OR51B5: variants seen among roughly 807,000 people sequenced by gnomAD.
OR51B5 encodes olfactory receptor 51B5.
For synonymous variants in OR51B5, 186 were observed against 144.8 expected (o/e 1.28, Z -2.04); for missense variants, 456 against 374.6 (o/e 1.22, Z -1.79).
intron 1 of OR51B5, chr11:5,489,434 C>T: frequency 6.2e-7 from 1 of 1,613,956 alleles, no homozygotes; most frequent in Non-Finnish European, 8.5e-7. Flanking sequence ...GCTCTGAGTA[C>T]CTGTGGCTCC....
At chr11:5,351,700 G>A (rs1424929607) in intron 1 of OR51B5, 1 of 1,613,890 alleles carries the variant, frequency 6.2e-7, no homozygotes, top group Non-Finnish European at 8.5e-7. Context: ...AGCTATGTTG[G>A]CAGCTACAGA....
intron 1 of OR51B5, among the ~76,000 whole-genome samples, chr11:5,439,000 C>A (rs1170123402): frequency 6.6e-6 from 1 of 152,156 alleles, no homozygotes; most frequent in African/African-American, 2.4e-5. Context: ...CCGAAGACTT[C>A]CTGATCAGGA....
chr11:5,381,615 C>G (rs1289200733), intron 1 of OR51B5, among the ~76,000 whole-genome samples: 1 of 152,188 alleles, frequency 6.6e-6, no homozygotes, highest in Non-Finnish European at 1.5e-5. Flanking sequence ...TCTTCAAGTT[C>G]TTGATCAGAG....
intron 1 of OR51B5, among the ~76,000 whole-genome samples, chr11:5,374,166 C>T (rs866360807): frequency 3.3e-5 from 5 of 152,288 alleles, no homozygotes; most frequent in African/African-American, 4.8e-5. Flanking sequence ...GCAGCATTCG[C>T]GGATCACGAA....
At chr11:5,356,534 C>T (rs578107951) in intron 1 of OR51B5, among the ~76,000 whole-genome samples, 3 of 145,944 alleles carry the variant, frequency 2.1e-5, no homozygotes, top group Admixed American at 6.9e-5. Context: ...AGAATGGAAC[C>T]AAGTTGGAAA....
In OR51B5 at chr11:5,502,721, C is replaced by G. The variant is rs149618208; in HGVS notation, n.84+2848G>C. The stretch of plus-strand genomic sequence containing the variant: ...ACCTTCTTATGCCTTAGTTTACTTA[C>G]CTGTAAAAATAGGTGTAATTATAGA... On this transcript the variant is annotated intron_variant and non_coding_transcript_variant, in intron 1 of 4. Transcript: ENST00000415970. Among the ~76,000 whole-genome samples, 67 of 152,276 alleles carry G rather than the reference C, an allele frequency of 4.4e-4. 1 individual carries two copies. The East Asian group carries it at 0.01, about 23-fold the overall frequency.
At chr11:5,443,093 ACTTCAT>A (rs1850715090) in intron 1 of OR51B5, among the ~76,000 whole-genome samples, 1 of 152,012 alleles carries the variant, frequency 6.6e-6, no homozygotes, top group Non-Finnish European at 1.5e-5. Context: ...ACCATAAGAG[ACTTCAT>A]CTCAACCTTT....
chr11:5,379,085 G>A (rs1353023890), intron 1 of OR51B5, among the ~76,000 whole-genome samples: 6 of 151,346 alleles, frequency 4.0e-5, no homozygotes, highest in Admixed American at 6.6e-5. Flanking sequence ...ATGATAGACT[G>A]GATTAAGAAA....
exon 1 of OR51B5, chr11:5,342,628 A>T: frequency 1.2e-6 from 2 of 1,605,914 alleles, no homozygotes; most frequent in Non-Finnish European, 1.7e-6. Context: ...GAAGAATGGC[A>T]TTCTGAATCT....
intron 1 of OR51B5, among the ~76,000 whole-genome samples, chr11:5,397,879 T>G (rs369292160): frequency 2.0e-5 from 3 of 151,424 alleles, no homozygotes; most frequent in Admixed American, 6.6e-5. Flanking sequence ...CCATAAAAAA[T>G]GATGAGTTCA....
chr11:5,352,449 T>C, intron 1 of OR51B5: 2 of 1,550,254 alleles, frequency 1.3e-6, no homozygotes, highest in Non-Finnish European at 1.8e-6. Context: ...GAGCATGACA[T>C]TGTTTCACTG....
intron 1 of OR51B5, chr11:5,422,481 T>A: frequency 6.2e-7 from 1 of 1,614,216 alleles, no homozygotes; most frequent in Non-Finnish European, 8.5e-7. Flanking sequence ...GTTCGTAGAA[T>A]CAGCTCTGAG....
At chr11:5,378,471 G>C (rs1290571757) in intron 1 of OR51B5, among the ~76,000 whole-genome samples, 1 of 152,082 alleles carries the variant, frequency 6.6e-6, no homozygotes, top group Non-Finnish European at 1.5e-5. Context: ...GGGATCTAAT[G>C]AAACTAAAGA....
chr11:5,357,943 A>C (rs903138453), intron 1 of OR51B5, among the ~76,000 whole-genome samples: 1 of 151,996 alleles, frequency 6.6e-6, no homozygotes, highest in African/African-American at 2.4e-5. Context: ...TTGGAACCAA[A>C]GAGAACAAAG....
chr11:5,361,564 G>T (rs185018856), intron 1 of OR51B5, among the ~76,000 whole-genome samples: 1 of 152,168 alleles, frequency 6.6e-6, no homozygotes, highest in African/African-American at 2.4e-5. Flanking sequence ...GCAGTAGACG[G>T]TTGGCTTATC....
At chr11:5,477,241 C>A (rs1851322722) in intron 1 of OR51B5, among the ~76,000 whole-genome samples, 1 of 151,822 alleles carries the variant, frequency 6.6e-6, no homozygotes, top group African/African-American at 2.4e-5. Context: ...GATGGTGGGC[C>A]CTTTGCAGCC....
intron 1 of OR51B5, chr11:5,390,492 A>G: frequency 1.1e-6 from 1 of 897,162 alleles, no homozygotes; most frequent in Non-Finnish European, 1.6e-6. Flanking sequence ...CCCTGTCCTA[A>G]ATAAAATATG....
At chr11:5,405,958 A>G (rs1480794104) in intron 1 of OR51B5, among the ~76,000 whole-genome samples, 2 of 152,236 alleles carry the variant, frequency 1.3e-5, no homozygotes, top group Admixed American at 6.5e-5. Flanking sequence ...CATTTCATCA[A>G]TGGCCAGATA....
intron 1 of OR51B5, chr11:5,454,001 C>G (rs138446220): frequency 4.4e-5 from 71 of 1,613,864 alleles, no homozygotes; most frequent in Non-Finnish European, 5.8e-5. Flanking sequence ...TCTGCAGATC[C>G]AATGTTCTTT....
Sources: gnomAD v4.1 joint callset for allele counts (sites outside exome capture counted in the v4.1 genomes callset) on GRCh38, gnomAD v4.1.1 for gene constraint, MANE v1.5 for transcripts, NCBI Gene and HGNC (gene_info 2026-07-23, HGNC 2026-07-21) for gene names.